Variants in MRC1 observed in about 807,000 individuals in gnomAD.
MRC1 encodes macrophage mannose receptor 1.
A neutral mutation model predicts 102.9 loss-of-function variants in MRC1; 62 were observed. The observed-to-expected ratio is 0.60, with a 90% CI of 0.49 to 0.74. The LOEUF (loss-of-function observed/expected upper bound fraction) is 0.74, where lower values mean the gene tolerates loss of function less well. Among genes scored for constraint, MRC1 ranks in the 30% least tolerant of loss-of-function variants. MRC1 has a pLI of 0.00. For synonymous variants in MRC1, 457 were observed against 298.4 expected (o/e 1.53, Z -5.48); for missense variants, 1,237 against 862.8 (o/e 1.43, Z -5.43).
rs782293400 is a variant in MRC1, at chr10:17,823,354, T to G, written c.342T>G (p.Asp114Glu). 7.7e-6 allele frequency: 6 copies of G among 780,702 alleles called. No homozygotes were observed. Among genetic ancestry groups the G allele is most frequent in the Non-Finnish European group, 2.4e-6 (1 of 417,974 alleles). 48.4% of individuals were successfully genotyped at this position (780,702 alleles called of 1,614,324 possible). A position where few individuals can be genotyped will look rare whatever the true frequency, so the allele number is the denominator to read the frequency against. ...CACTTTTGGGGATCAAAGGAGAAGA[T>G]TTATTTTTTAACTACGGCAACAGAC... ...NDTLLGIKGE[D>E]LFFNYGNRQE... Residue 114 changes from aspartate (D) to glutamate (E), a missense_variant, in exon 2 of 30, where the codon GAT becomes GAG. Asp to Glu is a conservative substitution (Grantham distance 45). Coordinates refer to ENST00000569591, the MANE Select transcript of MRC1 (RefSeq NM_002438.4).
At chr10:17,890,234 G>A (rs1833653992) in intron 22 of MRC1, among the ~76,000 whole-genome samples, 1 of 151,640 alleles carries the variant, frequency 6.6e-6, no homozygotes, top group Non-Finnish European at 1.5e-5. Flanking sequence ...TTTTCGTCTG[G>A]CTTCTTTCAA....
At chr10:17,843,151 A>C (rs1838775402) in intron 5 of MRC1, among the ~76,000 whole-genome samples, 1 of 152,236 alleles carries the variant, frequency 6.6e-6, no homozygotes, top group African/African-American at 2.4e-5. Flanking sequence ...AAGTTGAGAG[A>C]GGTATTGTAT....
intron 1 of MRC1, among the ~76,000 whole-genome samples, chr10:17,810,788 A>G (rs1341084819): frequency 6.6e-6 from 1 of 152,164 alleles, no homozygotes. Flanking sequence ...AGGATAGATG[A>G]AATTAATTTT....
intron 21 of MRC1, among the ~76,000 whole-genome samples, chr10:17,882,650 C>T (rs1205590762): frequency 6.6e-6 from 1 of 152,074 alleles, no homozygotes; most frequent in African/African-American, 2.4e-5. Flanking sequence ...TTTGTGAATG[C>T]CACCATGTGC....
In MRC1 at chr10:17,886,310, T is replaced by G. The variant is rs960413745; in HGVS notation, c.3147+875T>G. ...TTCCTTCCTTCCTTCCTTCCTTCCT[T>G]CCTTCCCTCCTTCCTTCCTTCCTTC... is the stretch of plus-strand genomic sequence containing the variant. On this transcript the variant is annotated intron_variant, in intron 22 of 29. Transcript: ENST00000569591. Among the ~76,000 whole-genome samples the G allele has an allele frequency of 1.5e-4, 23 of 150,658 alleles. 1 individual carries two copies. The East Asian group carries it at 4.5e-3, about 29-fold the overall frequency.
At chr10:17,832,228 T>C (rs1412025699) in intron 3 of MRC1, among the ~76,000 whole-genome samples, 1 of 151,508 alleles carries the variant, frequency 6.6e-6, no homozygotes, top group Non-Finnish European at 1.5e-5. Flanking sequence ...GATGTACGTT[T>C]ATTTTCTTTG....
chr10:17,846,814 T>C (rs1227927266), intron 6 of MRC1, among the ~76,000 whole-genome samples: 1 of 152,234 alleles, frequency 6.6e-6, no homozygotes, highest in Non-Finnish European at 1.5e-5. Context: ...ACATATATTT[T>C]TTTGACCGAT....
intron 21 of MRC1, among the ~76,000 whole-genome samples, chr10:17,882,722 T>G (rs1833536923): frequency 6.6e-6 from 1 of 151,530 alleles, no homozygotes; most frequent in African/African-American, 2.4e-5. Flanking sequence ...ATTTGACAAG[T>G]TGAGCAATTT....
At chr10:17,821,293 C>T (rs917645387) in intron 1 of MRC1, among the ~76,000 whole-genome samples, 1 of 152,146 alleles carries the variant, frequency 6.6e-6, no homozygotes, top group African/African-American at 2.4e-5. Context: ...TTCTCTTTCT[C>T]ATTCTTGGCA....
At chr10:17,852,235 T>C (rs1306014562) in intron 7 of MRC1, among the ~76,000 whole-genome samples, 12 of 152,204 alleles carry the variant, frequency 7.9e-5, no homozygotes, top group African/African-American at 2.7e-4. Context: ...AATGATCATG[T>C]TTTAAATCTA....
Position 17,827,524 on chromosome 10 carries a change from G to C in MRC1, c.464-18G>C. On this transcript the variant is annotated intron_variant, in intron 2 of 29. Coordinates refer to ENST00000569591, the MANE Select transcript of MRC1 (RefSeq NM_002438.4). ...AATATCACTCACATTCCAAGTTCAA[G>C]TCAATATGTTTTTCCAGCCATGTAT... 1.3e-6 allele frequency: 1 copy of C among 779,996 alleles called. No individual in the cohort carries two copies. Among genetic ancestry groups the C allele is most frequent in the Non-Finnish European group, 2.4e-6 (1 of 417,640 alleles). The allele number at this position is 779,996 out of a possible 1,614,324, so 48.3% of individuals were successfully genotyped here. A position where few individuals can be genotyped will look rare whatever the true frequency, so the allele number is the denominator to read the frequency against.
intron 29 of MRC1, 53 bp from the exon 30 acceptor site, chr10:17,910,162 T>G: frequency 3.8e-6 from 3 of 779,674 alleles, no homozygotes. Context: ...CTGCATAGCA[T>G]GCAACCCTCT....
intron 21 of MRC1, 110 bp from the exon 22 acceptor site, chr10:17,885,159 T>C: frequency 1.3e-6 from 1 of 750,228 alleles, no homozygotes. Context: ...TAAGTAACAA[T>C]GACACAAGTC....
In MRC1 at chr10:17,844,980, G is replaced by A. The variant is rs1359965161; in HGVS notation, c.917-309G>A. Reference sequence around the variant, plus strand: ...GTACCTCTCTTTGATAATGTAATCCGTTGTGACAACTGTTCAAGTTTTAAG... The same window carrying A: ...GTACCTCTCTTTGATAATGTAATCCATTGTGACAACTGTTCAAGTTTTAAG... On this transcript the variant is annotated intron_variant, in intron 5 of 29. Transcript: ENST00000569591. The A allele has an allele frequency of 8.2e-5, 47 of 571,032 alleles. 1 individual carries two copies. The highest frequency in any genetic ancestry group is 1.2e-4 in the Non-Finnish European group (35 of 290,382). The allele number at this position is 571,032 out of a possible 1,614,324, so 35.4% of individuals were successfully genotyped here.
intron 6 of MRC1, among the ~76,000 whole-genome samples, chr10:17,846,186 G>A (rs1227750681): frequency 2.0e-5 from 3 of 151,934 alleles, no homozygotes; most frequent in African/African-American, 4.8e-5. Context: ...GGGATTACAG[G>A]CATGAGCCAC....
intron 12 of MRC1, 126 bp from the exon 13 acceptor site, chr10:17,870,120 T>G: frequency 1.5e-6 from 1 of 674,730 alleles, no homozygotes; most frequent in Non-Finnish European, 2.7e-6. Flanking sequence ...AAGAATTACA[T>G]TGTTTTGAGT....
At chr10:17,824,710 G>A (rs1327863960) in intron 2 of MRC1, among the ~76,000 whole-genome samples, 6 of 152,116 alleles carry the variant, frequency 3.9e-5, no homozygotes, top group Admixed American at 1.3e-4. Flanking sequence ...TAAACTTGAC[G>A]GAGTCAAATT....
At chr10:17,907,411 TATAA>T (rs1298576749) in intron 27 of MRC1, 119 bp from the exon 28 acceptor site, 1 of 725,252 alleles carries the variant, frequency 1.4e-6, no homozygotes, top group Admixed American at 2.0e-5. Flanking sequence ...TAAGTCTGGT[TATAA>T]ATGACTATTG....
chr10:17,889,824 A>C (rs1475770018), intron 22 of MRC1, among the ~76,000 whole-genome samples: 1 of 152,226 alleles, frequency 6.6e-6, no homozygotes. Context: ...TTTAACAACA[A>C]CTATAGTTGT....
Sources: allele counts gnomAD v4.1 joint callset (sites outside exome capture counted in the v4.1 genomes callset), GRCh38; gene constraint gnomAD v4.1.1; transcripts MANE v1.5; gene names NCBI Gene and HGNC (gene_info 2026-07-23, HGNC 2026-07-21).